ARHGAP29: variants seen among roughly 807,000 people sequenced by gnomAD.
ARHGAP29 encodes the protein Rho GTPase activating protein 29.
In ARHGAP29, 43 loss-of-function variants were observed where a neutral mutation model predicts 122.6. The ratio of observed to expected loss-of-function variants is 0.35; its 90% CI spans 0.27 to 0.45. The LOEUF is 0.45. ARHGAP29 is among the 20% of genes least tolerant of loss of function. The pLI, the probability that ARHGAP29 is intolerant of heterozygous loss-of-function variation, is 1.00. For missense variants in ARHGAP29, 1,303 were observed against 1,477.2 expected, an observed-to-expected ratio of 0.88 and a Z score of 1.93; for synonymous variants, 506 against 497.1, an observed-to-expected ratio of 1.02 and a Z score of -0.24.
upstream of ARHGAP29, among the ~76,000 whole-genome samples, chr1:94,238,600 C>T (rs777439386): frequency 6.6e-6 from 1 of 151,960 alleles, no homozygotes; most frequent in Non-Finnish European, 1.5e-5. Flanking sequence ...GCGCTGGGGT[C>T]TGCGAGAAAA....
the ARHGAP29 span, among the ~76,000 whole-genome samples, chr1:94,296,208 G>A: frequency 7.2e-5 from 11 of 152,124 alleles, no homozygotes; most frequent in African/African-American, 2.2e-4. Flanking sequence ...GGCCTGGGAC[G>A]TGAATCATCC....
intron 2 of ARHGAP29, among the ~76,000 whole-genome samples, chr1:94,224,118 T>A (rs1004627766): frequency 3.3e-5 from 5 of 152,174 alleles, no homozygotes; most frequent in Non-Finnish European, 5.9e-5. Context: ...TTATAAAACC[T>A]TCCTGATGTG....
At position 94,217,826 on chromosome 1, in the gene ARHGAP29, G is replaced by A. The variant is rs189443065; in HGVS notation, c.340+2432C>T. On this transcript the variant is annotated intron_variant, in intron 3 of 22. Transcript: ENST00000260526. ...AACATGCTACTGCACTGCAGCCTGG[G>A]CAACAGAGTGAGACCCTATCTCTTA... Among the ~76,000 whole-genome samples, 20 of 147,090 alleles carry A rather than the reference G, an allele frequency of 1.4e-4. No individual in the cohort carries two copies. In the Admixed American group the frequency reaches 1.4e-3, roughly 10 times the overall value.
chr1:94,281,562 A>T, the ARHGAP29 span, among the ~76,000 whole-genome samples: 1 of 152,198 alleles, frequency 6.6e-6, no homozygotes, highest in Admixed American at 6.5e-5. Context: ...TGGTGGCAGG[A>T]AATAAGATGA....
the ARHGAP29 span, among the ~76,000 whole-genome samples, chr1:94,312,433 T>C: frequency 1.4e-5 from 2 of 145,842 alleles, no homozygotes; most frequent in African/African-American, 5.3e-5. Context: ...CCCCCCTCCT[T>C]CTTTTTTTTT....
At chr1:94,243,086 C>T (rs1435413996) in intron 1 of ARHGAP29, among the ~76,000 whole-genome samples, 3 of 151,962 alleles carry the variant, frequency 2.0e-5, no homozygotes, top group Non-Finnish European at 4.4e-5. Flanking sequence ...ATAGACAAAT[C>T]CCCAATGACA....
chr1:94,285,246 C>T, the ARHGAP29 span, among the ~76,000 whole-genome samples: 32 of 151,834 alleles, frequency 2.1e-4, no homozygotes, highest in South Asian at 3.3e-3. Flanking sequence ...GAGTATGGAA[C>T]GAGGCAGTCA....
At chr1:94,313,994 A>G in the ARHGAP29 span, among the ~76,000 whole-genome samples, 1 of 152,070 alleles carries the variant, frequency 6.6e-6, no homozygotes, top group Non-Finnish European at 1.5e-5. Context: ...GAGCTTGGGG[A>G]GGGATAGCAT....
chr1:94,264,860 T>G (rs1654701412), intron 1 of ARHGAP29, among the ~76,000 whole-genome samples: 1 of 152,202 alleles, frequency 6.6e-6, no homozygotes, highest in African/African-American at 2.4e-5. Context: ...ATGCATTTGT[T>G]TAATCTTGGT....
upstream of ARHGAP29, among the ~76,000 whole-genome samples, chr1:94,277,290 A>G (rs1655227528): frequency 6.6e-6 from 1 of 152,194 alleles, no homozygotes; most frequent in Non-Finnish European, 1.5e-5. Context: ...CCAACTTCTC[A>G]TTCTTAAAGA....
At chr1:94,191,049 T>C (rs1570508091) in intron 12 of ARHGAP29, 3 of 152,232 alleles carry the variant, frequency 2.0e-5, no homozygotes, top group Admixed American at 6.5e-5. Context: ...CAAATGTGAA[T>C]GCGAAAGAGC....
intron 12 of ARHGAP29, chr1:94,193,801 C>G (rs1650273495): frequency 6.6e-6 from 1 of 152,178 alleles, no homozygotes; most frequent in African/African-American, 2.4e-5. Context: ...AAAGGAAGTT[C>G]TGTAGACAAA....
upstream of ARHGAP29, among the ~76,000 whole-genome samples, chr1:94,242,371 T>G (rs573253181): frequency 6.6e-6 from 1 of 152,240 alleles, no homozygotes; most frequent in South Asian, 2.1e-4. Flanking sequence ...ATAATTTTTT[T>G]AAAAGCTGAT....
intron 5 of ARHGAP29, among the ~76,000 whole-genome samples, chr1:94,207,432 GA>G (rs1320510770): frequency 4.0e-5 from 6 of 150,824 alleles, no homozygotes; most frequent in Non-Finnish European, 5.9e-5. Flanking sequence ...AAGTACAAAA[GA>G]AAAAAAAGAA....
chr1:94,279,169 A>G (rs561925481), upstream of ARHGAP29, among the ~76,000 whole-genome samples: 1 of 152,312 alleles, frequency 6.6e-6, no homozygotes, highest in Admixed American at 6.5e-5. Flanking sequence ...GTCCATTAAC[A>G]TGGTGGTTCC....
At chr1:94,235,460 G>C (rs1653197583) in intron 1 of ARHGAP29, among the ~76,000 whole-genome samples, 1 of 152,158 alleles carries the variant, frequency 6.6e-6, no homozygotes, top group Non-Finnish European at 1.5e-5. Flanking sequence ...GAACCATAAA[G>C]AAAAGTCATT....
chr1:94,277,563 T>A (rs1411699), upstream of ARHGAP29, among the ~76,000 whole-genome samples: 94 of 152,268 alleles, frequency 6.2e-4, no homozygotes, highest in African/African-American at 2.2e-3. Flanking sequence ...ACCAATTATT[T>A]TGTAGGTGGA....
At chr1:94,265,509 A>T (rs1448000546) in intron 1 of ARHGAP29, among the ~76,000 whole-genome samples, 1 of 152,206 alleles carries the variant, frequency 6.6e-6, no homozygotes, top group Admixed American at 6.5e-5. Context: ...CTTTCCAGGG[A>T]CATACCTTGG....
intron 1 of ARHGAP29, among the ~76,000 whole-genome samples, chr1:94,265,296 G>C (rs1654717161): frequency 6.6e-6 from 1 of 152,198 alleles, no homozygotes; most frequent in South Asian, 2.1e-4. Flanking sequence ...TGGCTTCCCT[G>C]TGAGCTGAAT....
Sources: allele counts gnomAD v4.1 joint callset (sites outside exome capture counted in the v4.1 genomes callset), GRCh38; gene constraint gnomAD v4.1.1; transcripts MANE v1.5; gene names NCBI Gene and HGNC (gene_info 2026-07-23, HGNC 2026-07-21).